AR: variants seen among roughly 807,000 people sequenced by gnomAD.
The protein encoded by AR is androgen receptor, also known as dihydrotestosterone receptor.
A neutral mutation model predicts 53.9 loss-of-function variants in AR; 8 were observed. The observed-to-expected ratio is 0.15, with a 90% confidence interval of 0.09 to 0.27. The LOEUF (loss-of-function observed/expected upper bound fraction) is 0.27, where lower values mean the gene tolerates loss of function less well. Among genes scored for constraint, AR ranks in the 10% least tolerant of loss-of-function variants. The pLI is 1.00. For missense variants in AR, 639 were observed against 742.5 expected, an observed-to-expected ratio of 0.86 and a Z score of 1.62; for synonymous variants, 359 against 316.4, an observed-to-expected ratio of 1.13 and a Z score of -1.43.
Position 67,633,376 on chromosome X carries a change from G to T in AR, c.1617-9880G>T, listed in dbSNP as rs765285688. 4.4e-4 allele frequency among the ~76,000 whole-genome samples: 49 copies of T among 111,741 alleles called. 1 individual carries two copies. The highest frequency in any genetic ancestry group is 1.5e-3 in the African/African-American group (46 of 30,814). On this transcript the variant is annotated intron_variant, in intron 1 of 7. Coordinates refer to ENST00000374690, the MANE Select transcript of AR (RefSeq NM_000044.6). ...ATATTTAGCTTCCACTTATCAGTGAGAACATGTGGTATTTGGTTTTCTGTT... is the reference window on the plus strand; with the variant it reads ...ATATTTAGCTTCCACTTATCAGTGATAACATGTGGTATTTGGTTTTCTGTT...
At position 67,572,957 on chromosome X, in the gene AR, C is replaced by T. The variant is rs780469964; in HGVS notation, c.1616+26195C>T. On this transcript the variant is annotated intron_variant, in intron 1 of 7. Coordinates refer to ENST00000374690, the MANE Select transcript of AR (RefSeq NM_000044.6). Reference sequence around the variant, plus strand: ...TTTAATGCTCACAATAGCCGAATGACGTGGGTAAGAATCTTCGTCTTCATT... The same window carrying T: ...TTTAATGCTCACAATAGCCGAATGATGTGGGTAAGAATCTTCGTCTTCATT... Among the ~76,000 whole-genome samples the T allele has an allele frequency of 4.2e-4, 47 of 111,692 alleles. 2 individuals are homozygous for T. Among genetic ancestry groups the T allele is most frequent in the Middle Eastern group, 4.6e-3 (1 of 216 alleles).
At position 67,545,316 on chromosome X, in the gene AR, TGCAGCAGCAGCAGCA is replaced by T. The variant is rs3032358; in HGVS notation, c.225_239del (p.Gln76_Gln80del). The T allele has an allele frequency of 7.8e-3, 7,750 of 997,172 alleles. 184 individuals are homozygous for T. In the African/African-American group the frequency reaches 0.083, roughly 11 times the overall value. 82.2% of individuals were successfully genotyped at this position (997,172 alleles called of 1,213,427 possible). On this transcript the variant is annotated inframe_deletion, in exon 1 of 8. Transcript: ENST00000374690. ...CCTCCCGGCGCCAGTTTGCTGCTGC[TGCAGCAGCAGCAGCA>T]GCAGCAGCAGCAGCAGCAGCAGCAG... is the stretch of plus-strand genomic sequence containing the variant.
Position 67,711,510 on chromosome X carries a change from T to C in AR, c.1994T>C (p.Ile665Thr), listed in dbSNP as rs9332968. ...ACCCAGAAGCTGACAGTGTCACACA[T>C]TGAAGGCTATGAATGTCAGCCCATC... is the stretch of plus-strand genomic sequence containing the variant. ...ETTQKLTVSH[I>T]EGYECQPIFL... The change falls in exon 4 of 8, where the codon ATT becomes ACT. Residue 665 changes from isoleucine to threonine, a missense_variant. Physicochemically the swap from Ile to Thr is moderately conservative, Grantham distance 89. This residue lies in a region of AR where 47 missense variants were observed against 35.9 expected (regional missense o/e 1.31). Transcript: ENST00000374690. 1.7e-6 allele frequency: 2 copies of C among 1,211,190 alleles called. No homozygotes were observed. Among genetic ancestry groups the C allele is most frequent in the Non-Finnish European group, 1.1e-6 (1 of 895,367 alleles).
In AR at chrX:67,728,823, G is replaced by A. The variant is rs1260787596; in HGVS notation, c.*4982G>A. Reference sequence around the variant, plus strand: ...CACAGGTCCTGTGAAGGAGCAGAGGGATAAAAAGAGTAGAGGACATGATAC... The same window carrying A: ...CACAGGTCCTGTGAAGGAGCAGAGGAATAAAAAGAGTAGAGGACATGATAC... On this transcript the variant is annotated 3_prime_UTR_variant, in exon 8 of 8. Transcript: ENST00000374690. The A allele has an allele frequency of 6.2e-6, 1 of 160,954 alleles. No homozygotes were observed. Among genetic ancestry groups the A allele is most frequent in the Non-Finnish European group, 1.2e-5 (1 of 84,314 alleles). 13.3% of individuals were successfully genotyped at this position (160,954 alleles called of 1,213,427 possible).
In AR at chrX:67,643,496, C is replaced by A. The variant is rs879023936; in HGVS notation, c.1768+89C>A. The stretch of plus-strand genomic sequence containing the variant: ...AACCTTTCAGGGCCCAGGATTTTAT[C>A]ATCTCAGAAATAGAGTCATTGGCAA... On this transcript the variant is annotated intron_variant, in intron 2 of 7. Transcript: ENST00000374690. 13 of 1,104,544 alleles carry A rather than the reference C, an allele frequency of 1.2e-5. No individual in the cohort carries two copies. In the South Asian group the frequency reaches 2.4e-4, roughly 20 times the overall value. The allele number at this position is 1,104,544 out of a possible 1,213,427, so 91.0% of individuals were successfully genotyped here.
At chrX:67,565,250 A>G (rs1344776892) in intron 1 of AR, among the ~76,000 whole-genome samples, 5 of 112,205 alleles carry the variant, frequency 4.5e-5, no homozygotes, top group African/African-American at 6.5e-5. Flanking sequence ...AAGATATTTT[A>G]TCAGTGGTAG....
At chrX:67,679,927 T>G (rs1235632399) in intron 2 of AR, among the ~76,000 whole-genome samples, 1 of 112,125 alleles carries the variant, frequency 8.9e-6, no homozygotes, top group Non-Finnish European at 1.9e-5. Flanking sequence ...ATTTATCAAG[T>G]CTGTCTTCAC....
chrX:67,593,248 C>A (rs1201264042), intron 1 of AR, among the ~76,000 whole-genome samples: 1 of 111,807 alleles, frequency 8.9e-6, no homozygotes, highest in African/African-American at 3.2e-5. Flanking sequence ...AGACCCTTAT[C>A]TTTACCTCCT....
intron 1 of AR, among the ~76,000 whole-genome samples, chrX:67,628,872 T>G (rs1048161154): frequency 2.0e-4 from 22 of 111,841 alleles, no homozygotes; most frequent in Non-Finnish European, 3.4e-4. Flanking sequence ...GTCAAAGGCC[T>G]TTTCTGCATC....
In AR at chrX:67,721,855, A is replaced by T; in HGVS notation, c.2341A>T (p.Met781Leu). Reference sequence around the variant, plus strand: ...CAGGTACCGCATGCACAAGTCCCGGATGTACAGCCAGTGTGTCCGAATGAG... The same window carrying T: ...CAGGTACCGCATGCACAAGTCCCGGTTGTACAGCCAGTGTGTCCGAATGAG... Reference protein sequence around the residue: ...FNEYRMHKSRMYSQCVRMRHL... With the variant: ...FNEYRMHKSRLYSQCVRMRHL... Residue 781 changes from methionine to leucine, a missense_variant, in exon 6 of 8, where the codon ATG (methionine) becomes TTG (leucine). Physicochemically the swap from Met to Leu is conservative, Grantham distance 15 (BLOSUM62 2). This residue lies in a region of AR where 95 missense variants were observed against 196.4 expected (regional missense o/e 0.48). Coordinates refer to ENST00000374690, the MANE Select transcript of AR (RefSeq NM_000044.6). The T allele has an allele frequency of 2.5e-6, 3 of 1,210,536 alleles. No homozygotes were observed. The highest frequency in any genetic ancestry group is 3.4e-6 in the Non-Finnish European group (3 of 895,171).
At position 67,690,557 on chromosome X, in the gene AR, A is replaced by G. The variant is rs527498271; in HGVS notation, c.1885+4431A>G. ...CATTTATTCATCCATGTATCTATCCATTCATCCTTCCAGCCAGCCAAGAAG... is the reference window on the plus strand; with the variant it reads ...CATTTATTCATCCATGTATCTATCCGTTCATCCTTCCAGCCAGCCAAGAAG... On this transcript the variant is annotated intron_variant, in intron 3 of 7. Transcript: ENST00000374690. 2.8e-4 allele frequency among the ~76,000 whole-genome samples: 31 copies of G among 111,896 alleles called. 1 individual carries two copies. In the South Asian group the frequency reaches 0.011, roughly 38 times the overall value.
At chrX:67,657,928 G>C (rs1160151548) in intron 2 of AR, among the ~76,000 whole-genome samples, 2 of 111,368 alleles carry the variant, frequency 1.8e-5, no homozygotes, top group Non-Finnish European at 3.8e-5. Context: ...TCAAAACAGG[G>C]GTTTGGGATT....
At chrX:67,576,440 C>CA (rs946915180) in intron 1 of AR, among the ~76,000 whole-genome samples, 24 of 105,448 alleles carry the variant, frequency 2.3e-4, no homozygotes, top group Admixed American at 4.1e-4. Context: ...TGTACATGGA[C>CA]AAAAAAAAAG....
At chrX:67,608,201 A>G (rs1438631765) in intron 1 of AR, among the ~76,000 whole-genome samples, 3 of 112,233 alleles carry the variant, frequency 2.7e-5, no homozygotes, top group Non-Finnish European at 3.8e-5. Flanking sequence ...TAATAACCAC[A>G]TGGAAACTTT....
At chrX:67,633,980 T>A (rs974693344) in intron 1 of AR, among the ~76,000 whole-genome samples, 1 of 108,624 alleles carries the variant, frequency 9.2e-6, no homozygotes, top group African/African-American at 3.6e-5. Context: ...CTAAAATTAG[T>A]TTGCAGTAAT....
intron 4 of AR, 105 bp downstream of exon 4, chrX:67,711,794 G>GCAGT: frequency 2.3e-6 from 2 of 865,204 alleles, no homozygotes; most frequent in Non-Finnish European, 3.2e-6. Flanking sequence ...ATTAACTCAG[G>GCAGT]CAGTCTTCAT....
intron 1 of AR, among the ~76,000 whole-genome samples, chrX:67,572,531 A>T (rs1296954606): frequency 2.7e-5 from 3 of 111,814 alleles, no homozygotes; most frequent in Non-Finnish European, 5.7e-5. Flanking sequence ...TATATTCTCT[A>T]AACAAAGTAG....
chrX:67,614,396 T>C (rs1337474997), intron 1 of AR, among the ~76,000 whole-genome samples: 1 of 111,695 alleles, frequency 9.0e-6, no homozygotes, highest in Admixed American at 9.5e-5. Context: ...AAAAAAATCA[T>C]GACTATATTT....
At chrX:67,638,966 C>T (rs895280102) in intron 1 of AR, among the ~76,000 whole-genome samples, 7 of 110,313 alleles carry the variant, frequency 6.3e-5, no homozygotes, top group Non-Finnish European at 1.3e-4. Flanking sequence ...TTAGGTCTTA[C>T]GTGACTCATC....
Sources: allele counts gnomAD v4.1 joint callset (sites outside exome capture counted in the v4.1 genomes callset), GRCh38; gene constraint gnomAD v4.1.1; regional missense constraint gnomAD v4.1.1; transcripts MANE v1.5; gene names NCBI Gene and HGNC (gene_info 2026-07-23, HGNC 2026-07-21).